Variants in ARHGAP8 observed in about 807,000 individuals in gnomAD.
The protein encoded by ARHGAP8 is rho GTPase-activating protein 8.
A neutral mutation model predicts 46.1 loss-of-function variants in ARHGAP8; 62 were observed. The observed-to-expected ratio is 1.34, with a 90% confidence interval of 1.10 to 1.66. The LOEUF (loss-of-function observed/expected upper bound fraction) is 1.66, where lower values mean the gene tolerates loss of function less well. Among genes scored for constraint, ARHGAP8 ranks in the 40% most tolerant of loss-of-function variants. ARHGAP8 has a pLI of 0.00. For missense variants in ARHGAP8, 923 were observed against 568.4 expected (o/e 1.62, Z -6.34); for synonymous variants, 375 against 243.1 (o/e 1.54, Z -5.05).
intron 7 of ARHGAP8, among the ~76,000 whole-genome samples, 186 bp downstream of exon 7, chr22:44,825,779 G>T: frequency 6.7e-6 from 1 of 149,686 alleles, no homozygotes; most frequent in South Asian, 2.1e-4. Flanking sequence ...GGTTGGGGGG[G>T]CGCGTGCTCG....
At chr22:44,762,612 C>T (rs1286810942) in intron 1 of ARHGAP8, among the ~76,000 whole-genome samples, 1 of 148,600 alleles carries the variant, frequency 6.7e-6, no homozygotes, top group Non-Finnish European at 1.5e-5. Context: ...GGCACAGTCT[C>T]GGCTCACTGC....
chr22:44,856,253 CCTTTTTTTTTTTTTTT>C (rs2070219725), intron 10 of ARHGAP8, among the ~76,000 whole-genome samples: 1 of 111,092 alleles, frequency 9.0e-6, no homozygotes, highest in African/African-American at 4.3e-5. Context: ...CTATAAATTC[CCTTTTTTTTTTTTTTT>C]TTTTTTTTTT....
intron 6 of ARHGAP8, 87 bp from the exon 7 acceptor site, chr22:44,825,396 C>G (rs2147122358): frequency 7.1e-7 from 1 of 1,416,040 alleles, no homozygotes; most frequent in Admixed American, 2.3e-5. Flanking sequence ...AGGTGTCCTG[C>G]AGGTGGGGCA....
chr22:44,783,268 G>A (rs1926978123), intron 1 of ARHGAP8, among the ~76,000 whole-genome samples: 1 of 152,118 alleles, frequency 6.6e-6, no homozygotes, highest in Non-Finnish European at 1.5e-5. Context: ...TCCCCTGCCT[G>A]CAGGGCTTTG....
intron 10 of ARHGAP8, among the ~76,000 whole-genome samples, chr22:44,851,211 C>A (rs2070084327): frequency 6.6e-6 from 1 of 152,118 alleles, no homozygotes; most frequent in Non-Finnish European, 1.5e-5. Flanking sequence ...ATTAACAAAC[C>A]TGGAGAGCGT....
At chr22:44,815,561 T>TG (rs1470512039) in intron 5 of ARHGAP8, among the ~76,000 whole-genome samples, 3 of 152,114 alleles carry the variant, frequency 2.0e-5, no homozygotes, top group African/African-American at 7.3e-5. Flanking sequence ...TTGGAACGTG[T>TG]GGGGCTTGGA....
intron 1 of ARHGAP8, among the ~76,000 whole-genome samples, chr22:44,776,296 C>A (rs1353430320): frequency 6.6e-6 from 1 of 151,924 alleles, no homozygotes; most frequent in East Asian, 1.9e-4. Context: ...ACTAAAAATA[C>A]AAAAAATTAG....
chr22:44,847,055 A>G (rs2069975050), intron 8 of ARHGAP8, among the ~76,000 whole-genome samples: 1 of 152,124 alleles, frequency 6.6e-6, no homozygotes, highest in South Asian at 2.1e-4. Context: ...TGGGAGGAGA[A>G]GGGGAGGTCA....
chr22:44,814,509 T>C (rs373567463), intron 4 of ARHGAP8, among the ~76,000 whole-genome samples, 163 bp from the exon 5 acceptor site: 26 of 152,164 alleles, frequency 1.7e-4, no homozygotes, highest in African/African-American at 6.3e-4. Context: ...GTCCTGATTT[T>C]CCCCGAGTTT....
At chr22:44,844,398 T>C (rs531446342) in intron 7 of ARHGAP8, among the ~76,000 whole-genome samples, 1 of 152,336 alleles carries the variant, frequency 6.6e-6, no homozygotes, top group East Asian at 1.9e-4. Flanking sequence ...ATATTGATAA[T>C]TACATTAAGT....
intron 1 of ARHGAP8, among the ~76,000 whole-genome samples, chr22:44,759,894 T>C (rs945797475): frequency 1.3e-5 from 2 of 152,234 alleles, no homozygotes; most frequent in African/African-American, 4.8e-5. Context: ...CGCACCCGAA[T>C]GATCACCTGG....
intron 7 of ARHGAP8, among the ~76,000 whole-genome samples, chr22:44,837,779 C>T (rs1166030301): frequency 6.6e-6 from 1 of 152,116 alleles, no homozygotes; most frequent in African/African-American, 2.4e-5. Context: ...GGGCCCTGTT[C>T]TTCCGCTAGC....
At chr22:44,846,428 T>TG (rs1281645254) in intron 8 of ARHGAP8, among the ~76,000 whole-genome samples, 1 of 152,066 alleles carries the variant, frequency 6.6e-6, no homozygotes, top group Non-Finnish European at 1.5e-5. Flanking sequence ...TCCATGCACA[T>TG]GGGGGTGGCA....
chr22:44,820,632 C>A (rs931036465), intron 5 of ARHGAP8, among the ~76,000 whole-genome samples: 12 of 152,128 alleles, frequency 7.9e-5, no homozygotes, highest in Non-Finnish European at 2.9e-5. Context: ...TCCTCCCTCC[C>A]CTTGTGCTTG....
At chr22:44,828,272 A>G (rs1477827946) in intron 7 of ARHGAP8, among the ~76,000 whole-genome samples, 2 of 152,078 alleles carry the variant, frequency 1.3e-5, no homozygotes, top group East Asian at 3.9e-4. Flanking sequence ...ACATTGTGAG[A>G]ATTTGCGGGT....
intron 1 of ARHGAP8, among the ~76,000 whole-genome samples, chr22:44,759,900 C>T (rs1041461079): frequency 3.9e-5 from 6 of 152,224 alleles, no homozygotes; most frequent in East Asian, 1.9e-4. Context: ...CGAATGATCA[C>T]CTGGGTGCCC....
rs1386632511 is a variant in ARHGAP8 at position 44,860,095 on chromosome 22, CTT to C, written c.981+264_981+265del. On this transcript the variant is annotated intron_variant, in intron 11 of 11. Coordinates refer to ENST00000356099, the MANE Select transcript of ARHGAP8 (RefSeq NM_181335.3). ...GCTGTCCCTCAGCCATTGCCAGTGA[CTT>C]TTGTTATTGGGGTCCTCTGCCCCCA... Among the ~76,000 whole-genome samples, 7 of 152,228 alleles carry C rather than the reference CTT, an allele frequency of 4.6e-5. No homozygotes were observed. In the South Asian group the frequency reaches 1.2e-3, roughly 27 times the overall value.
intron 11 of ARHGAP8, among the ~76,000 whole-genome samples, chr22:44,861,920 A>C (rs905802616): frequency 6.6e-6 from 1 of 152,060 alleles, no homozygotes; most frequent in Non-Finnish European, 1.5e-5. Context: ...CCACTCACAG[A>C]GCCGAGGCCA....
intron 2 of ARHGAP8, among the ~76,000 whole-genome samples, chr22:44,796,787 A>C (rs540175139): frequency 9.2e-5 from 14 of 152,262 alleles, no homozygotes; most frequent in African/African-American, 3.4e-4. Context: ...TGTGATTGTT[A>C]AGTCTAGTGC....
Sources: allele counts gnomAD v4.1 joint callset (sites outside exome capture counted in the v4.1 genomes callset), GRCh38; gene constraint gnomAD v4.1.1; transcripts MANE v1.5; gene names NCBI Gene and HGNC (gene_info 2026-07-23, HGNC 2026-07-21).